Variants in GPALPP1 observed in about 807,000 individuals in gnomAD.
The protein encoded by GPALPP1 is GPALPP motifs containing 1.
GPALPP1 carries 30 observed loss-of-function variants against 38.9 expected under a neutral mutation model. The observed-to-expected ratio is 0.77, with a 90% CI of 0.58 to 1.05. GPALPP1 has a LOEUF of 1.05. GPALPP1 is among the 50% of genes least tolerant of loss of function. GPALPP1 has a pLI of 0.00. For synonymous variants in GPALPP1, 120 were observed against 139.2 expected, an observed-to-expected ratio of 0.86 and a Z score of 0.97; for missense variants, 384 against 408.8, an observed-to-expected ratio of 0.94 and a Z score of 0.52.
intron 1 of GPALPP1, among the ~76,000 whole-genome samples, chr13:44,998,652 T>A (rs771829259): frequency 2.1e-4 from 32 of 152,186 alleles, no homozygotes; most frequent in Non-Finnish European, 4.1e-4. Flanking sequence ...CTAACTCAGG[T>A]CCCACCCCTA....
intron 6 of GPALPP1, among the ~76,000 whole-genome samples, chr13:45,019,280 T>A (rs908420038): frequency 2.0e-5 from 3 of 151,602 alleles, no homozygotes; most frequent in Non-Finnish European, 4.4e-5. Context: ...CCTGAATAGC[T>A]GGGACCACAG....
chr13:44,989,573 G>A lies in GPALPP1; in HGVS notation c.-82G>A, dbSNP rs780180005. ...GGCGCCGGGAAACCTGCCATTCTTC[G>A]CTGCTGATCGCGGGATTCTTTTTGG... On this transcript the variant is annotated 5_prime_UTR_variant, in exon 1 of 8. Transcript: ENST00000379151. The A allele has an allele frequency of 4.0e-6, 6 of 1,487,566 alleles. No homozygotes were observed. Among genetic ancestry groups the A allele is most frequent in the Non-Finnish European group, 4.7e-6 (5 of 1,072,494 alleles). The allele number at this position is 1,487,566 out of a possible 1,614,324, so 92.1% of individuals were successfully genotyped here. A position where few individuals can be genotyped will look rare whatever the true frequency, so the allele number is the denominator to read the frequency against.
chr13:45,008,927 A>G (rs1344735067), intron 4 of GPALPP1, 48 bp downstream of exon 4: 12 of 1,086,408 alleles, frequency 1.1e-5, no homozygotes, highest in Non-Finnish European at 1.7e-5. Context: ...TTTTCATTGA[A>G]AGAATAAGAT....
At chr13:45,018,452 T>C (rs373442108) in intron 6 of GPALPP1, among the ~76,000 whole-genome samples, 16 of 152,222 alleles carry the variant, frequency 1.1e-4, no homozygotes, top group African/African-American at 3.6e-4. Context: ...TTACATACAT[T>C]AATTGAATGA....
exon 8 of GPALPP1, chr13:45,036,159 C>G (rs1318655130): frequency 6.6e-6 from 1 of 152,222 alleles, no homozygotes; most frequent in African/African-American, 2.4e-5. Flanking sequence ...CAATACTTGC[C>G]TCTTGAAGAA....
intron 1 of GPALPP1, among the ~76,000 whole-genome samples, chr13:44,994,349 G>A (rs367667771): frequency 5.3e-5 from 8 of 152,038 alleles, no homozygotes; most frequent in African/African-American, 1.7e-4. Context: ...TTGGGAGGCC[G>A]AGGCGGGCGG....
intron 1 of GPALPP1, among the ~76,000 whole-genome samples, chr13:44,994,543 T>G (rs984225102): frequency 9.2e-5 from 14 of 152,220 alleles, no homozygotes; most frequent in Admixed American, 8.5e-4. Context: ...TGTCCCATCC[T>G]ACCTTGAAGT....
intron 6 of GPALPP1, among the ~76,000 whole-genome samples, chr13:45,015,901 A>G (rs1248665772): frequency 2.6e-5 from 4 of 152,162 alleles, no homozygotes; most frequent in African/African-American, 9.7e-5. Context: ...CTAGGGTCAC[A>G]AAGCTAGTAA....
rs149178217 is a variant in GPALPP1 at position 45,014,942 on chromosome 13, G to C, written c.409-10G>C. 7.1e-4 allele frequency: 1,111 copies of C among 1,572,638 alleles called. 9 individuals are homozygous for C. In the African/African-American group the frequency reaches 0.012, roughly 17 times the overall value. ...GCTCTTGGTTTAAAGGTAATGTCTT[G>C]TTTTAAAAGGAAACAGACAGCAGTG... On this transcript the variant is annotated splice_polypyrimidine_tract_variant and intron_variant, in intron 4 of 7. Coordinates refer to ENST00000379151, the MANE Select transcript of GPALPP1 (RefSeq NM_018559.5).
At chr13:45,008,971 G>A in intron 4 of GPALPP1, 92 bp downstream of exon 4, 2 of 755,890 alleles carry the variant, frequency 2.6e-6, no homozygotes, top group East Asian at 2.6e-5. Context: ...TATGCATGCA[G>A]TTACTACAAC....
rs148529731 is a variant in GPALPP1 at position 45,029,634 on chromosome 13, G to C, written c.*1631G>C. On this transcript the variant is annotated 3_prime_UTR_variant, in exon 8 of 8. Coordinates refer to ENST00000379151, the MANE Select transcript of GPALPP1 (RefSeq NM_018559.5). Reference sequence around the variant, plus strand: ...ACCTGCCCTAGAGTCAGTGTGTCAAGTCCTTACTGTAAATCCATGACTTTG... The same window carrying C: ...ACCTGCCCTAGAGTCAGTGTGTCAACTCCTTACTGTAAATCCATGACTTTG... 53 of 152,244 alleles carry C rather than the reference G, an allele frequency of 3.5e-4. No homozygotes were observed. Among genetic ancestry groups the C allele is most frequent in the African/African-American group, 1.3e-3 (52 of 41,536 alleles). 9.4% of individuals were successfully genotyped at this position (152,244 alleles called of 1,614,324 possible). A position where few individuals can be genotyped will look rare whatever the true frequency, so the allele number is the denominator to read the frequency against.
rs376323246 is a variant in GPALPP1 at position 45,015,381 on chromosome 13, T to A, written c.541-51T>A. 8 of 1,185,194 alleles carry A rather than the reference T, an allele frequency of 6.7e-6. No individual in the cohort carries two copies. The African/African-American group carries it at 1.2e-4, about 18-fold the overall frequency. 73.4% of individuals were successfully genotyped at this position (1,185,194 alleles called of 1,614,324 possible). A position where few individuals can be genotyped will look rare whatever the true frequency, so the allele number is the denominator to read the frequency against. ...TTGCTTGTACATATATATGTACTCA[T>A]CTTATACACGATATGTACTTTCTAT... On this transcript the variant is annotated intron_variant, in intron 5 of 7. Transcript: ENST00000379151.
Position 44,997,010 on chromosome 13 carries a change from T to C in GPALPP1, c.88+7268T>C, listed in dbSNP as rs551707507. Reference sequence around the variant, plus strand: ...ACTCCTCATTCCCCCCTCCAGCTCCTGACAAGCACCATTCTACTTTCTGTC... The same window carrying C: ...ACTCCTCATTCCCCCCTCCAGCTCCCGACAAGCACCATTCTACTTTCTGTC... On this transcript the variant is annotated intron_variant, in intron 1 of 7. Coordinates refer to ENST00000379151, the MANE Select transcript of GPALPP1 (RefSeq NM_018559.5). Among the ~76,000 whole-genome samples, 22 of 152,084 alleles carry C rather than the reference T, an allele frequency of 1.4e-4. No homozygotes were observed. The South Asian group carries it at 4.2e-3, about 29-fold the overall frequency.
At chr13:45,024,395 G>A (rs1309390638) in intron 7 of GPALPP1, among the ~76,000 whole-genome samples, 1 of 151,702 alleles carries the variant, frequency 6.6e-6, no homozygotes, top group Non-Finnish European at 1.5e-5. Flanking sequence ...CACCTCCTGG[G>A]TTTAAGTGAT....
At chr13:45,013,869 CA>C (rs2094408636) in intron 4 of GPALPP1, among the ~76,000 whole-genome samples, 1 of 152,018 alleles carries the variant, frequency 6.6e-6, no homozygotes, top group Non-Finnish European at 1.5e-5. Context: ...AAATGTGCAC[CA>C]TTTTTTTTAT....
intron 1 of GPALPP1, among the ~76,000 whole-genome samples, chr13:44,991,869 T>C (rs1319458151): frequency 2.0e-5 from 3 of 152,370 alleles, no homozygotes; most frequent in Non-Finnish European, 4.4e-5. Flanking sequence ...GTGAGATTCA[T>C]TCATGTAGAT....
At chr13:45,008,739 C>T in intron 3 of GPALPP1, 56 bp from the exon 4 acceptor site, 2 of 911,086 alleles carry the variant, frequency 2.2e-6, no homozygotes, top group South Asian at 2.9e-5. Flanking sequence ...AACTTTTATT[C>T]TTATAACTGC....
exon 8 of GPALPP1, chr13:45,035,981 AT>A (rs1190528462): frequency 6.6e-6 from 1 of 152,236 alleles, no homozygotes; most frequent in Non-Finnish European, 1.5e-5. Flanking sequence ...CCTGGCCAAC[AT>A]GGTGAAACCC....
In GPALPP1 at chr13:45,020,445, G is replaced by T; in HGVS notation, c.804+17G>T. 1 of 996,950 alleles carries T rather than the reference G, an allele frequency of 1.0e-6. No homozygotes were observed. The allele number at this position is 996,950 out of a possible 1,614,324, so 61.8% of individuals were successfully genotyped here. On this transcript the variant is annotated intron_variant, in intron 7 of 7. Coordinates refer to ENST00000379151, the MANE Select transcript of GPALPP1 (RefSeq NM_018559.5). The stretch of plus-strand genomic sequence containing the variant: ...TCATACAATGTAAGTAAGAAAATAA[G>T]ATATATAGAGCCAGGTGTGATGGCT...
Sources: gnomAD v4.1 joint callset for allele counts (sites outside exome capture counted in the v4.1 genomes callset) on GRCh38, gnomAD v4.1.1 for gene constraint, MANE v1.5 for transcripts, NCBI Gene and HGNC (gene_info 2026-07-23, HGNC 2026-07-21) for gene names.